The following DIAPH2 variants were observed in gnomAD, a reference collection of about 807,000 sequenced individuals.
DIAPH2 encodes diaphanous related formin 2.
DIAPH2 carries 35 observed loss-of-function variants against 92.7 expected under a neutral mutation model. The ratio of observed to expected loss-of-function variants is 0.38; its 90% CI spans 0.29 to 0.50. DIAPH2 has a LOEUF of 0.50. Ranked by LOEUF, DIAPH2 falls within the 20% of genes least tolerant of loss-of-function variation. The pLI, the probability that DIAPH2 is intolerant of heterozygous loss-of-function variation, is 0.94. For missense variants in DIAPH2, 701 were observed against 819.5 expected, an observed-to-expected ratio of 0.86 and a Z score of 1.77; for synonymous variants, 301 against 280.4, an observed-to-expected ratio of 1.07 and a Z score of -0.73.
At chrX:97,545,533 A>AAATAT (rs1260118151) in intron 26 of DIAPH2, among the ~76,000 whole-genome samples, 183 of 79,318 alleles carry the variant, frequency 2.3e-3, no homozygotes, top group African/African-American at 8.3e-3. Flanking sequence ...AAAAAAAAAA[A>AAATAT]ATATATATAT....
intron 25 of DIAPH2, among the ~76,000 whole-genome samples, chrX:97,399,781 T>G (rs528574625): frequency 6.2e-5 from 7 of 112,881 alleles, no homozygotes; most frequent in African/African-American, 1.9e-4. Context: ...CCTGTTTTTC[T>G]CTTTCATTAC....
chrX:97,055,332 G>A (rs1021238764), intron 17 of DIAPH2, among the ~76,000 whole-genome samples: 2 of 111,380 alleles, frequency 1.8e-5, no homozygotes, highest in Non-Finnish European at 3.8e-5. Context: ...TCTAAACAGG[G>A]CAGTAGAAAT....
chrX:96,982,444 A>G (rs894947788), intron 17 of DIAPH2, among the ~76,000 whole-genome samples: 4 of 112,350 alleles, frequency 3.6e-5, no homozygotes, highest in South Asian at 3.7e-4. Context: ...GCTTCTGGCA[A>G]TGTGTTAGGA....
chrX:97,604,830 T>C lies in DIAPH2; in HGVS notation c.*5513T>C, dbSNP rs1657091365. 1 of 111,966 alleles carries C rather than the reference T, an allele frequency of 8.9e-6. No homozygotes were observed. Among genetic ancestry groups the C allele is most frequent in the Admixed American group, 9.5e-5 (1 of 10,511 alleles). The allele number at this position is 111,966 out of a possible 1,213,427, so 9.2% of individuals were successfully genotyped here. ...TGAATGGGTATTGAGGGAGATTGTG[T>C]CCATACCAAGCCACCCTGAAGAAGT... On this transcript the variant is annotated 3_prime_UTR_variant, in exon 27 of 27. Transcript: ENST00000324765.
chrX:97,314,376 G>A (rs902974743), intron 23 of DIAPH2, among the ~76,000 whole-genome samples: 1 of 111,171 alleles, frequency 9.0e-6, no homozygotes, highest in African/African-American at 3.3e-5. Context: ...TCATGCCACT[G>A]CACTGCAGTC....
chrX:96,951,466 G>A (rs1259073738), intron 15 of DIAPH2, among the ~76,000 whole-genome samples: 1 of 111,445 alleles, frequency 9.0e-6, no homozygotes, highest in East Asian at 2.8e-4. Flanking sequence ...ACTGTACCTA[G>A]CACAGGCCTT....
intron 26 of DIAPH2, among the ~76,000 whole-genome samples, chrX:97,459,627 G>A (rs1462711743): frequency 8.9e-6 from 1 of 111,898 alleles, no homozygotes; most frequent in Non-Finnish European, 1.9e-5. Context: ...CAGGCATGAT[G>A]GGTTATGTAT....
chrX:97,469,489 T>C lies in DIAPH2; in HGVS notation c.3241+39744T>C, dbSNP rs369465708. On this transcript the variant is annotated intron_variant, in intron 26 of 26. Coordinates refer to ENST00000324765, the MANE Select transcript of DIAPH2 (RefSeq NM_006729.5). ...GACACGTTTATCATGACCTGCATGA[T>C]AACTAATGAAATAAATATGAGATTT... 6.3e-5 allele frequency among the ~76,000 whole-genome samples: 7 copies of C among 111,902 alleles called. No individual in the cohort carries two copies. In the East Asian group the frequency reaches 2.0e-3, roughly 31 times the overall value.
chrX:97,199,577 T>A lies in DIAPH2; in HGVS notation c.2720-48138T>A, dbSNP rs1483386130. Reference sequence around the variant, plus strand: ...TCTTTTCTGATCTCCCGCAATGTTCTAGTTCTTGTGAAATATTAGTTTTCT... The same window carrying A: ...TCTTTTCTGATCTCCCGCAATGTTCAAGTTCTTGTGAAATATTAGTTTTCT... On this transcript the variant is annotated intron_variant, in intron 22 of 26. Coordinates refer to ENST00000324765, the MANE Select transcript of DIAPH2 (RefSeq NM_006729.5). Among the ~76,000 whole-genome samples the A allele has an allele frequency of 2.7e-5, 3 of 111,833 alleles. No individual in the cohort carries two copies. The Admixed American group carries it at 2.9e-4, about 11-fold the overall frequency.
intron 26 of DIAPH2, among the ~76,000 whole-genome samples, chrX:97,585,277 A>G (rs1283180585): frequency 9.6e-6 from 1 of 104,049 alleles, no homozygotes; most frequent in Non-Finnish European, 2.0e-5. Context: ...TTTTAATGAA[A>G]TTGGCTGCAA....
intron 23 of DIAPH2, among the ~76,000 whole-genome samples, chrX:97,269,810 T>A (rs2068371319): frequency 9.3e-6 from 1 of 108,107 alleles, no homozygotes; most frequent in Non-Finnish European, 1.9e-5. Flanking sequence ...TGTAGTGCAA[T>A]GGCACTACCT....
At chrX:97,061,789 G>C (rs1486565108) in intron 17 of DIAPH2, among the ~76,000 whole-genome samples, 1 of 92,169 alleles carries the variant, frequency 1.1e-5, no homozygotes, top group Non-Finnish European at 2.1e-5. Flanking sequence ...ACTCCAGCCT[G>C]GGCAACAGAT....
At chrX:97,368,936 G>T (rs1481013589) in intron 24 of DIAPH2, among the ~76,000 whole-genome samples, 1 of 55,810 alleles carries the variant, frequency 1.8e-5, no homozygotes, top group African/African-American at 6.8e-5. Flanking sequence ...ACGAAGTTTC[G>T]CTCTTGTTGC....
chrX:96,801,013 T>G (rs2064578144), intron 4 of DIAPH2, among the ~76,000 whole-genome samples: 1 of 112,334 alleles, frequency 8.9e-6, no homozygotes, highest in Non-Finnish European at 1.9e-5. Flanking sequence ...AAGGAATGTT[T>G]TACATATTGT....
At chrX:97,004,857 C>T (rs933347864) in intron 17 of DIAPH2, among the ~76,000 whole-genome samples, 2 of 111,786 alleles carry the variant, frequency 1.8e-5, no homozygotes, top group Non-Finnish European at 3.8e-5. Context: ...GTGGTGAAAG[C>T]GGGCATCCTA....
intron 4 of DIAPH2, among the ~76,000 whole-genome samples, chrX:96,790,680 G>A (rs2064493881): frequency 9.0e-6 from 1 of 111,291 alleles, no homozygotes; most frequent in Admixed American, 9.6e-5. Context: ...AATTGTGGGT[G>A]TCAACTCAGG....
chrX:97,413,490 G>A (rs2069902386), intron 25 of DIAPH2, among the ~76,000 whole-genome samples: 1 of 111,026 alleles, frequency 9.0e-6, no homozygotes, highest in Non-Finnish European at 1.9e-5. Context: ...TTGAAAACTG[G>A]CACAAGACAG....
At chrX:96,884,966 G>A in intron 5 of DIAPH2, 2 of 1,211,082 alleles carry the variant, frequency 1.7e-6, no homozygotes, top group Non-Finnish European at 2.2e-6. Flanking sequence ...GAAGGGAAGA[G>A]CATCCATGAG....
intron 17 of DIAPH2, among the ~76,000 whole-genome samples, chrX:97,001,618 C>T (rs1302399163): frequency 1.8e-5 from 2 of 111,442 alleles, no homozygotes; most frequent in African/African-American, 6.5e-5. Flanking sequence ...TGCACTCCAG[C>T]CCGGGCAACA....
Sources: gnomAD v4.1 joint callset for allele counts (sites outside exome capture counted in the v4.1 genomes callset) on GRCh38, gnomAD v4.1.1 for gene constraint, MANE v1.5 for transcripts, NCBI Gene and HGNC (gene_info 2026-07-23, HGNC 2026-07-21) for gene names.